The following PCDHGA6 variants were observed in gnomAD, a reference collection of about 807,000 sequenced individuals.
The protein encoded by PCDHGA6 is protocadherin gamma-A6.
Under a neutral mutation model 60.6 loss-of-function variants are expected in PCDHGA6, and 41 were observed. The ratio of observed to expected loss-of-function variants is 0.68; its 90% CI spans 0.53 to 0.88. PCDHGA6 has a LOEUF of 0.88. Ranked by LOEUF, PCDHGA6 falls within the 40% of genes least tolerant of loss-of-function variation. The pLI, the probability that PCDHGA6 is intolerant of heterozygous loss-of-function variation, is 0.00. For synonymous variants in PCDHGA6, 594 were observed against 524.4 expected, an observed-to-expected ratio of 1.13 and a Z score of -1.81; for missense variants, 1,312 against 1,203.0, an observed-to-expected ratio of 1.09 and a Z score of -1.34.
intron 1 of PCDHGA6, chr5:141,422,667 G>A (rs1283968031): frequency 1.9e-6 from 3 of 1,607,536 alleles, no homozygotes; most frequent in South Asian, 1.1e-5. Context: ...CCCTCGACCC[G>A]GACAGCAAAC....
chr5:141,383,475 G>A (rs762489709), intron 1 of PCDHGA6: 1 of 1,613,594 alleles, frequency 6.2e-7, no homozygotes, highest in African/African-American at 1.3e-5. Flanking sequence ...CTAAGTACCC[G>A]GAACTGGTGC....
rs779949817 is a variant in PCDHGA6 at position 141,487,266 on chromosome 5, T to G, written c.2425-7541T>G. The G allele has an allele frequency of 6.2e-7, 1 of 1,614,054 alleles. No individual in the cohort carries two copies. The highest frequency in any genetic ancestry group is 8.5e-7 in the Non-Finnish European group (1 of 1,180,044). On this transcript the variant is annotated intron_variant, in intron 1 of 3. Transcript: ENST00000517434. This position sits in a 1 kb window ranked among gnomAD's most constrained non-coding sequence, Gnocchi z 5.0. The stretch of plus-strand genomic sequence containing the variant: ...ACCCTCTACTTGGCTGTGTCCCTAG[T>G]GGCAATTTGCTTTGTCTCCTTTGGC...
chr5:141,496,103 C>G (rs779317844), intron 2 of PCDHGA6, among the ~76,000 whole-genome samples: 1 of 152,100 alleles, frequency 6.6e-6, no homozygotes, highest in Non-Finnish European at 1.5e-5. Flanking sequence ...ACCAACACCC[C>G]GCTCTCTTCC....
intron 1 of PCDHGA6, chr5:141,415,755 T>TTTG: frequency 1.4e-6 from 2 of 1,387,632 alleles, no homozygotes; most frequent in Middle Eastern, 2.6e-4. Context: ...TTTTTTTTTT[T>TTTG]TTTTTTTTTT....
chr5:141,395,237 G>C (rs760516487), intron 1 of PCDHGA6: 2 of 1,590,946 alleles, frequency 1.3e-6, no homozygotes, highest in Non-Finnish European at 8.6e-7. Flanking sequence ...ATCATGGTCA[G>C]GTGAGTTTAG....
chr5:141,433,313 C>T (rs2097582516), intron 1 of PCDHGA6: 5 of 866,388 alleles, frequency 5.8e-6, no homozygotes, highest in Admixed American at 2.8e-5. Context: ...CCCACCTTTG[C>T]CTCCGGTGTA....
At chr5:141,422,090 AGGCTTCTGAAATATTCCAATT>A (rs1561798894) in intron 1 of PCDHGA6, 11 of 1,611,852 alleles carry the variant, frequency 6.8e-6, no homozygotes, top group Non-Finnish European at 9.3e-6. Flanking sequence ...ATGGAAAGCA[AGGCTTCTGAAATATTCCAATT>A]GGATTCACAA....
rs373424450 is a variant in PCDHGA6, at chr5:141,450,829, AT to A, written c.2425-43965del. 1.1e-3 allele frequency among the ~76,000 whole-genome samples: 154 copies of A among 135,102 alleles called. 1 individual carries two copies. Among genetic ancestry groups the A allele is most frequent in the South Asian group, 8.9e-3 (38 of 4,254 alleles). 88.6% of individuals were successfully genotyped at this position (135,102 alleles called of 152,430 possible). ...TTATTTATTTAATATTATTATTATTATTTTTTTTTTTTTGAGATGGGGTCTT... is the reference window on the plus strand; with the variant it reads ...TTATTTATTTAATATTATTATTATTATTTTTTTTTTTTGAGATGGGGTCTT... On this transcript the variant is annotated intron_variant, in intron 1 of 3. Transcript: ENST00000517434.
chr5:141,402,394 G>T (rs928311359), intron 1 of PCDHGA6, among the ~76,000 whole-genome samples: 5 of 151,852 alleles, frequency 3.3e-5, no homozygotes, highest in Non-Finnish European at 7.4e-5. Context: ...AATTACTTCA[G>T]AAAATTGTTA....
chr5:141,477,184 C>T lies in PCDHGA6; in HGVS notation c.2425-17623C>T. On this transcript the variant is annotated intron_variant, in intron 1 of 3. Coordinates refer to ENST00000517434, the MANE Select transcript of PCDHGA6 (RefSeq NM_018919.3). The surrounding 1 kb of genome is among the most constrained non-coding windows in gnomAD (Gnocchi z 4.9). ...ACGCCCCGGAGATCACAGTCACCTC[C>T]GTGTACAGCCCAGTACCCGAGGATG... The T allele has an allele frequency of 3.7e-6, 6 of 1,614,178 alleles. No individual in the cohort carries two copies. Among genetic ancestry groups the T allele is most frequent in the Non-Finnish European group, 5.1e-6 (6 of 1,180,032 alleles).
At chr5:141,426,667 A>G in intron 1 of PCDHGA6, 2 of 430,860 alleles carry the variant, frequency 4.6e-6, no homozygotes, top group Non-Finnish European at 9.5e-6. Context: ...ATAAATGATA[A>G]CCCACCTCAT....
intron 2 of PCDHGA6, among the ~76,000 whole-genome samples, chr5:141,504,059 T>C (rs1179226175): frequency 6.6e-6 from 1 of 152,184 alleles, no homozygotes; most frequent in Admixed American, 6.6e-5. Flanking sequence ...ATTGAAAAAC[T>C]TCTCTGAGCC....
intron 1 of PCDHGA6, chr5:141,389,477 G>C (rs761615943): frequency 1.9e-6 from 3 of 1,613,174 alleles, no homozygotes; most frequent in Non-Finnish European, 2.5e-6. Flanking sequence ...TCACACTGCA[G>C]GCCCGCGACC....
Position 141,485,281 on chromosome 5 carries a change from A to G in PCDHGA6, c.2425-9526A>G. 4 of 1,614,156 alleles carry G rather than the reference A, an allele frequency of 2.5e-6. No individual in the cohort carries two copies. In the South Asian group the frequency reaches 3.3e-5, roughly 13 times the overall value. Reference sequence around the variant, plus strand: ...GTGGGCAGATCCGCTACCCGGTCCCAGAGGAGTCACAGGAAGGGACTTTTG... The same window carrying G: ...GTGGGCAGATCCGCTACCCGGTCCCGGAGGAGTCACAGGAAGGGACTTTTG... On this transcript the variant is annotated intron_variant, in intron 1 of 3. Coordinates refer to ENST00000517434, the MANE Select transcript of PCDHGA6 (RefSeq NM_018919.3). The surrounding 1 kb of genome is among the most constrained non-coding windows in gnomAD (Gnocchi z 5.7).
chr5:141,436,309 T>C (rs1228417864), intron 1 of PCDHGA6, among the ~76,000 whole-genome samples: 1 of 152,198 alleles, frequency 6.6e-6, no homozygotes, highest in Non-Finnish European at 1.5e-5. Flanking sequence ...AGAGCATGAA[T>C]AGTCAAGACT....
chr5:141,410,544 G>T, intron 1 of PCDHGA6: 1 of 1,613,640 alleles, frequency 6.2e-7, no homozygotes, highest in Non-Finnish European at 8.5e-7. Flanking sequence ...GACATGGTTT[G>T]CAGTGTTTCT....
At chr5:141,389,765 G>C in intron 1 of PCDHGA6, 1 of 1,612,992 alleles carries the variant, frequency 6.2e-7, no homozygotes, top group Non-Finnish European at 8.5e-7. Context: ...TGCGCACAGC[G>C]CGTGCCTTAG....
At chr5:141,418,641 T>C in intron 1 of PCDHGA6, 3 of 1,614,028 alleles carry the variant, frequency 1.9e-6, no homozygotes, top group Non-Finnish European at 2.5e-6. Flanking sequence ...GGCACCTCCA[T>C]CCTGAGAGTG....
intron 1 of PCDHGA6, chr5:141,423,757 G>A: frequency 5.1e-6 from 2 of 395,134 alleles, no homozygotes; most frequent in Non-Finnish European, 7.1e-6. Flanking sequence ...GTTTGGGGGG[G>A]GGGTGGGGCG....
Sources: allele counts gnomAD v4.1 joint callset (sites outside exome capture counted in the v4.1 genomes callset), GRCh38; gene constraint gnomAD v4.1.1; non-coding constraint Gnocchi (gnomAD v3.1); transcripts MANE v1.5; gene names NCBI Gene and HGNC (gene_info 2026-07-23, HGNC 2026-07-21).